MAP6: variants seen among roughly 807,000 people sequenced by gnomAD.
MAP6 encodes microtubule-associated protein 6.
MAP6 carries 26 observed loss-of-function variants against 42.4 expected under a neutral mutation model. The ratio of observed to expected loss-of-function variants is 0.61; its 90% CI spans 0.45 to 0.85. The LOEUF is 0.85. Among genes scored for constraint, MAP6 ranks in the 40% least tolerant of loss-of-function variants. The pLI is 0.00. For synonymous variants in MAP6, 418 were observed against 443.8 expected, an observed-to-expected ratio of 0.94 and a Z score of 0.73; for missense variants, 966 against 1,099.0, an observed-to-expected ratio of 0.88 and a Z score of 1.71.
chr11:75,617,630 T>A (rs968810520), intron 1 of MAP6, among the ~76,000 whole-genome samples: 5 of 150,550 alleles, frequency 3.3e-5, no homozygotes, highest in African/African-American at 1.2e-4. Context: ...AGAAAAATGG[T>A]GCAAAATAAG....
chr11:75,593,834 G>A (rs1240575308), intron 3 of MAP6, among the ~76,000 whole-genome samples: 5 of 152,218 alleles, frequency 3.3e-5, no homozygotes, highest in Admixed American at 3.3e-4. Context: ...ACCTGCTATA[G>A]AGACAGTGCA....
At chr11:75,637,134 G>C (rs1276389617) in intron 1 of MAP6, among the ~76,000 whole-genome samples, 1 of 152,186 alleles carries the variant, frequency 6.6e-6, no homozygotes, top group Non-Finnish European at 1.5e-5. Flanking sequence ...AATTTAAAGA[G>C]TCAGGAAGCT....
intron 1 of MAP6, among the ~76,000 whole-genome samples, chr11:75,644,013 A>T (rs929004823): frequency 5.3e-5 from 8 of 152,204 alleles, no homozygotes; most frequent in African/African-American, 1.7e-4. Context: ...CTATTCTTAG[A>T]GGTGCATGGT....
At chr11:75,607,284 A>G (rs1273289873) in intron 2 of MAP6, 16 of 985,364 alleles carry the variant, frequency 1.6e-5, no homozygotes, top group Non-Finnish European at 1.9e-5. Context: ...AAGCAGAGAA[A>G]AGGATAATTA....
rs1943983629 is a variant in MAP6 at position 75,667,780 on chromosome 11, C to T, written c.590G>A (p.Arg197Gln). ...SAPILGAPKRRPQSQERWPVQ... is the reference protein window; with the variant it reads ...SAPILGAPKRQPQSQERWPVQ... ...TGGCCAGCGCTCCTGGCTCTGCGGC[C>T]GGCGCTTGGGCGCCCCGAGAATGGG... The change falls in exon 1 of 4, where the codon CGG becomes CAG. Residue 197 changes from arginine (R) to glutamine (Q), a missense_variant. Arg to Gln is a conservative substitution (Grantham distance 43). This residue lies in a region of MAP6 where 943 missense variants were observed against 1,049.9 expected (regional missense o/e 0.90). Transcript: ENST00000304771. This position sits in a 1 kb window ranked among gnomAD's most constrained non-coding sequence, Gnocchi z 5.6. 5 of 1,306,470 alleles carry T rather than the reference C, an allele frequency of 3.8e-6. No homozygotes were observed. Among genetic ancestry groups the T allele is most frequent in the Admixed American group, 3.7e-5 (1 of 26,688 alleles). 80.9% of individuals were successfully genotyped at this position (1,306,470 alleles called of 1,614,324 possible).
intron 3 of MAP6, among the ~76,000 whole-genome samples, chr11:75,588,418 T>C (rs1008007947): frequency 2.0e-5 from 3 of 152,100 alleles, no homozygotes; most frequent in African/African-American, 7.2e-5. Context: ...CAATTGATTA[T>C]AACCTGCACG....
intron 1 of MAP6, among the ~76,000 whole-genome samples, chr11:75,628,713 T>C (rs748236617): frequency 2.8e-4 from 42 of 152,290 alleles, no homozygotes; most frequent in Non-Finnish European, 3.4e-4. Flanking sequence ...CTAAATATTG[T>C]ACAAGTTATG....
intron 3 of MAP6, among the ~76,000 whole-genome samples, chr11:75,588,967 T>A (rs1158813620): frequency 1.3e-5 from 2 of 152,154 alleles, no homozygotes; most frequent in Non-Finnish European, 2.9e-5. Context: ...CAGGCAGCTT[T>A]TAGCTTTATT....
intron 1 of MAP6, among the ~76,000 whole-genome samples, chr11:75,656,860 T>C (rs1251779346): frequency 6.6e-6 from 1 of 152,216 alleles, no homozygotes; most frequent in Non-Finnish European, 1.5e-5. Context: ...TTTGTGTGTA[T>C]AAACCCATGT....
intron 1 of MAP6, among the ~76,000 whole-genome samples, chr11:75,608,904 A>C (rs2135591626): frequency 6.6e-6 from 1 of 152,310 alleles, no homozygotes; most frequent in East Asian, 1.9e-4. Flanking sequence ...AATCTTAATC[A>C]CTTTAGATGA....
At chr11:75,615,314 G>A (rs879891830) in intron 1 of MAP6, among the ~76,000 whole-genome samples, 4 of 152,240 alleles carry the variant, frequency 2.6e-5, no homozygotes, top group Non-Finnish European at 4.4e-5. Flanking sequence ...CCTACTCATA[G>A]AATTGATGTG....
chr11:75,613,486 A>T (rs1196729659), intron 1 of MAP6, among the ~76,000 whole-genome samples: 2 of 150,932 alleles, frequency 1.3e-5, no homozygotes, highest in Admixed American at 1.3e-4. Context: ...GTGAGTTTCT[A>T]CTCCTGACAT....
At position 75,587,929 on chromosome 11, in the gene MAP6, T is replaced by C. The variant is rs760867377; in HGVS notation, c.1572A>G (p.Ala524=). 1 of 1,614,114 alleles carries C rather than the reference T, an allele frequency of 6.2e-7. No homozygotes were observed. Among genetic ancestry groups the C allele is most frequent in the Non-Finnish European group, 8.5e-7 (1 of 1,180,020 alleles). The change falls in exon 4 of 4, where the codon GCA becomes GCG. Residue 524 remains alanine (A), a synonymous_variant. Coordinates refer to ENST00000304771, the MANE Select transcript of MAP6 (RefSeq NM_033063.2). ...PLKNESPVIS[A]PVKDQGPSVP... Reference sequence around the variant, plus strand: ...CCGAGGGACCTTGGTCCTTGACTGGTGCTGAGATAACAGGGCTTTCATTCT... The same window carrying C: ...CCGAGGGACCTTGGTCCTTGACTGGCGCTGAGATAACAGGGCTTTCATTCT...
At chr11:75,633,363 CA>C (rs1190417038) in intron 1 of MAP6, among the ~76,000 whole-genome samples, 9 of 152,258 alleles carry the variant, frequency 5.9e-5, no homozygotes, top group African/African-American at 2.2e-4. Context: ...ATTTTTCTGT[CA>C]AGTAAGTATT....
chr11:75,651,878 C>T (rs1052650946), intron 1 of MAP6, among the ~76,000 whole-genome samples: 10 of 152,162 alleles, frequency 6.6e-5, no homozygotes, highest in Non-Finnish European at 1.3e-4. Flanking sequence ...AGTATTCTGT[C>T]CTCAATAACC....
intron 1 of MAP6, among the ~76,000 whole-genome samples, chr11:75,661,412 A>G (rs943624004): frequency 6.6e-6 from 1 of 152,090 alleles, no homozygotes; most frequent in African/African-American, 2.4e-5. Context: ...TTATAGGCCA[A>G]TCTTACTTAT....
At chr11:75,631,071 C>T (rs528077941) in intron 1 of MAP6, among the ~76,000 whole-genome samples, 5 of 152,222 alleles carry the variant, frequency 3.3e-5, no homozygotes, top group South Asian at 2.1e-4. Context: ...AATAAAGTGC[C>T]GGGCACACCA....
At chr11:75,597,303 C>T (rs1191812070) in intron 3 of MAP6, 1 of 152,198 alleles carries the variant, frequency 6.6e-6, no homozygotes, top group African/African-American at 2.4e-5. Flanking sequence ...AATGGTTGCA[C>T]TTAGGTGGGT....
At chr11:75,658,780 C>A (rs1250605766) in intron 1 of MAP6, among the ~76,000 whole-genome samples, 3 of 152,160 alleles carry the variant, frequency 2.0e-5, no homozygotes, top group Non-Finnish European at 4.4e-5. Flanking sequence ...TTTATAATTT[C>A]TCTTCTTGTA....
Sources: gnomAD v4.1 joint callset for allele counts (sites outside exome capture counted in the v4.1 genomes callset) on GRCh38, gnomAD v4.1.1 for gene constraint, gnomAD v4.1.1 regional missense constraint, Gnocchi (gnomAD v3.1) non-coding constraint, MANE v1.5 for transcripts, NCBI Gene and HGNC (gene_info 2026-07-23, HGNC 2026-07-21) for gene names.